The following CMIP variants were observed in gnomAD, a reference collection of about 807,000 sequenced individuals.
The protein encoded by CMIP is C-Maf-inducing protein.
Under a neutral mutation model 97.3 loss-of-function variants are expected in CMIP, and 13 were observed. The observed-to-expected ratio is 0.13, with a 90% CI of 0.09 to 0.21. CMIP has a LOEUF of 0.21. Among genes scored for constraint, CMIP ranks in the 10% least tolerant of loss-of-function variants. CMIP has a pLI of 1.00. For missense variants in CMIP, 847 were observed against 1,024.9 expected, an observed-to-expected ratio of 0.83 and a Z score of 2.37; for synonymous variants, 538 against 436.3, an observed-to-expected ratio of 1.23 and a Z score of -2.91.
At chr16:81,701,117 T>C (rs920473524) in intron 15 of CMIP, among the ~76,000 whole-genome samples, 13 of 113,736 alleles carry the variant, frequency 1.1e-4, no homozygotes, top group Non-Finnish European at 2.3e-4. Context: ...AGACCTCATC[T>C]CAAAAAAAAA....
At chr16:81,547,925 TC>T (rs903651452) in intron 1 of CMIP, among the ~76,000 whole-genome samples, 17 of 152,244 alleles carry the variant, frequency 1.1e-4, no homozygotes, top group African/African-American at 4.1e-4. Context: ...GCTCTGCTCT[TC>T]CTGTCACCCG....
intron 8 of CMIP, among the ~76,000 whole-genome samples, chr16:81,671,400 T>C (rs2092682050): frequency 6.6e-6 from 1 of 152,212 alleles, no homozygotes; most frequent in Non-Finnish European, 1.5e-5. Flanking sequence ...AGACAAGTAA[T>C]AATTAGTGGC....
intron 1 of CMIP, among the ~76,000 whole-genome samples, chr16:81,536,508 A>T (rs1466146936): frequency 6.6e-6 from 1 of 152,212 alleles, no homozygotes; most frequent in East Asian, 1.9e-4. Flanking sequence ...TGTCCTAACC[A>T]TTTTTAAGTG....
At chr16:81,468,891 G>A (rs998378550) in intron 1 of CMIP, among the ~76,000 whole-genome samples, 1 of 152,230 alleles carries the variant, frequency 6.6e-6, no homozygotes, top group Admixed American at 6.5e-5. Context: ...AGTGGGCTGG[G>A]GGCTGGTGGA....
At chr16:81,523,416 C>T (rs1350612051) in intron 1 of CMIP, among the ~76,000 whole-genome samples, 1 of 152,162 alleles carries the variant, frequency 6.6e-6, no homozygotes, top group African/African-American at 2.4e-5. Context: ...CCCCCTGTCA[C>T]ACAGAAGGAC....
In CMIP at chr16:81,569,726, G is replaced by A. The variant is rs893094988; in HGVS notation, c.301-37841G>A. On this transcript the variant is annotated intron_variant, in intron 1 of 20. Transcript: ENST00000537098. ...AAAGATGGGCACAGTTGGCTTCTGG[G>A]AGCTGGAAAGAGCTGGCTTAGCCAT... 2.2e-4 allele frequency among the ~76,000 whole-genome samples: 33 copies of A among 152,360 alleles called. 1 individual carries two copies. The highest frequency in any genetic ancestry group is 1.2e-3 in the Admixed American group (19 of 15,308).
Position 81,476,450 on chromosome 16 carries a change from G to C in CMIP, c.300+30909G>C, listed in dbSNP as rs1010186170. On this transcript the variant is annotated intron_variant, in intron 1 of 20. Transcript: ENST00000537098. Reference sequence around the variant, plus strand: ...GTCTTTGGAAACTTGTTTGCAAACAGCTCGAAGGAGATGCGGCCCAAGGGC... The same window carrying C: ...GTCTTTGGAAACTTGTTTGCAAACACCTCGAAGGAGATGCGGCCCAAGGGC... 7.2e-5 allele frequency: 65 copies of C among 896,742 alleles called. No individual in the cohort carries two copies. The African/African-American group carries it at 7.3e-4, about 10-fold the overall frequency. 55.5% of individuals were successfully genotyped at this position (896,742 alleles called of 1,614,324 possible).
At chr16:81,687,064 G>A (rs996313004) in intron 10 of CMIP, among the ~76,000 whole-genome samples, 2 of 152,192 alleles carry the variant, frequency 1.3e-5, no homozygotes, top group African/African-American at 4.8e-5. Context: ...CATCCCACTC[G>A]ATCTTGGCAC....
chr16:81,671,874 G>A (rs888389132), intron 8 of CMIP, 92 bp from the exon 9 acceptor site: 9 of 641,954 alleles, frequency 1.4e-5, no homozygotes, highest in East Asian at 5.6e-5. Context: ...GGGCAGCCCC[G>A]TGCCTGAGCA....
intron 3 of CMIP, among the ~76,000 whole-genome samples, chr16:81,648,773 ACT>A (rs1330095451): frequency 8.2e-6 from 1 of 121,470 alleles, no homozygotes; most frequent in African/African-American, 3.2e-5. Context: ...ACAGAGCAAG[ACT>A]CTGTCTCAGA....
In CMIP at chr16:81,646,055, G is replaced by A. The variant is rs377258110; in HGVS notation, c.478-6148G>A. ...GATTGGATGGAAGGGTGAATAGATC[G>A]ATGAGTGAGTGATGGAAGTATGGAT... On this transcript the variant is annotated intron_variant, in intron 3 of 20. Coordinates refer to ENST00000537098, the MANE Select transcript of CMIP (RefSeq NM_198390.3). Among the ~76,000 whole-genome samples, 24 of 151,720 alleles carry A rather than the reference G, an allele frequency of 1.6e-4. No homozygotes were observed. In the South Asian group the frequency reaches 4.4e-3, roughly 28 times the overall value.
At chr16:81,517,167 G>A (rs59681336) in intron 1 of CMIP, among the ~76,000 whole-genome samples, 4 of 149,630 alleles carry the variant, frequency 2.7e-5, no homozygotes, top group Admixed American at 6.6e-5. Context: ...AAACCCAGAC[G>A]GCCTCCAAGG....
intron 2 of CMIP, among the ~76,000 whole-genome samples, chr16:81,613,475 T>C (rs1396648044): frequency 5.3e-5 from 8 of 152,026 alleles, no homozygotes; most frequent in Non-Finnish European, 1.2e-4. Flanking sequence ...TTTTACCACA[T>C]TCTAGCTGTG....
chr16:81,558,527 C>A (rs529146784), intron 1 of CMIP, among the ~76,000 whole-genome samples: 128 of 152,316 alleles, frequency 8.4e-4, no homozygotes, highest in Middle Eastern at 3.4e-3. Flanking sequence ...TGCTCAGTGC[C>A]CTGCCACACA....
chr16:81,593,275 C>A (rs1236954799), intron 1 of CMIP, among the ~76,000 whole-genome samples: 1 of 152,070 alleles, frequency 6.6e-6, no homozygotes, highest in South Asian at 2.1e-4. Context: ...GTCTTTCTGT[C>A]GTCTTGATGA....
chr16:81,688,775 A>G (rs537259891), intron 10 of CMIP, among the ~76,000 whole-genome samples: 24 of 152,276 alleles, frequency 1.6e-4, no homozygotes, highest in Non-Finnish European at 3.2e-4. Flanking sequence ...CATCATTTAC[A>G]TTAGATATAT....
intron 1 of CMIP, among the ~76,000 whole-genome samples, chr16:81,499,183 G>A (rs1274095051): frequency 6.6e-6 from 1 of 152,098 alleles, no homozygotes; most frequent in Non-Finnish European, 1.5e-5. Flanking sequence ...GTGCATGCAT[G>A]CACCATTCAC....
chr16:81,504,641 C>CAAAAAAAAAAAAAAAAAAAAAA (rs149715666), intron 1 of CMIP, among the ~76,000 whole-genome samples: 7 of 71,982 alleles, frequency 9.7e-5, no homozygotes, highest in African/African-American at 2.7e-4. Context: ...AGACTCGTCT[C>CAAAAAAAAAAAAAAAAAAAAAA]AAAAAAAAAA....
At position 81,710,985 on chromosome 16, in the gene CMIP, T is replaced by C. The variant is rs1246889599; in HGVS notation, c.*1186T>C. 1.3e-5 allele frequency: 2 copies of C among 152,110 alleles called. No homozygotes were observed. The highest frequency in any genetic ancestry group is 4.8e-5 in the African/African-American group (2 of 41,384). 9.4% of individuals were successfully genotyped at this position (152,110 alleles called of 1,614,324 possible). On this transcript the variant is annotated 3_prime_UTR_variant, in exon 21 of 21. Transcript: ENST00000537098. ...ATGGTCTCTTGGGAAAAGAGAGATG[T>C]GTCGCCTCCGCCAGTCCGACTGCCC...
Sources: gnomAD v4.1 joint callset for allele counts (sites outside exome capture counted in the v4.1 genomes callset) on GRCh38, gnomAD v4.1.1 for gene constraint, MANE v1.5 for transcripts, NCBI Gene and HGNC (gene_info 2026-07-23, HGNC 2026-07-21) for gene names.